Variants in KCNQ1 observed in about 807,000 individuals in gnomAD.
KCNQ1 encodes potassium voltage-gated channel subfamily KQT member 1.
In KCNQ1, 49 loss-of-function variants were observed where a neutral mutation model predicts 72.4. The ratio of observed to expected loss-of-function variants is 0.68; its 90% CI spans 0.54 to 0.86. KCNQ1 has a LOEUF of 0.86. Ranked by LOEUF, KCNQ1 falls within the 40% of genes least tolerant of loss-of-function variation. The pLI, the probability that KCNQ1 is intolerant of heterozygous loss-of-function variation, is 0.00. For synonymous variants in KCNQ1, 450 were observed against 412.6 expected, an observed-to-expected ratio of 1.09 and a Z score of -1.10; for missense variants, 790 against 945.1, an observed-to-expected ratio of 0.84 and a Z score of 2.15.
In KCNQ1 at chr11:2,715,538, T is replaced by C. The variant is rs1198806340; in HGVS notation, c.1515-53306T>C. Among the ~76,000 whole-genome samples, 2 of 151,748 alleles carry C rather than the reference T, an allele frequency of 1.3e-5. No individual in the cohort carries two copies. The highest frequency in any genetic ancestry group is 4.8e-5 in the African/African-American group (2 of 41,250). ...AGGTAGACTTCGTTTCCAGCCGGAGTGTACCTGGGGATGCCTGTGCCCAAG... is the reference window on the plus strand; with the variant it reads ...AGGTAGACTTCGTTTCCAGCCGGAGCGTACCTGGGGATGCCTGTGCCCAAG... On this transcript the variant is annotated intron_variant, in intron 11 of 15. Transcript: ENST00000155840. This position sits in a 1 kb window ranked among gnomAD's most constrained non-coding sequence, Gnocchi z 4.9.
rs1849032424 is a variant in KCNQ1, at chr11:2,614,657, T to C, written c.1393+25803T>C. ...ACTACTCTTCCCACTGAATTCTTGA[T>C]ACATTTGTTGAAAATGAATTGATCA... On this transcript the variant is annotated intron_variant, in intron 10 of 15. Coordinates refer to ENST00000155840, the MANE Select transcript of KCNQ1 (RefSeq NM_000218.3). The C allele has an allele frequency of 1.3e-5, 5 of 398,390 alleles. No individual in the cohort carries two copies. The South Asian group carries it at 3.8e-4, about 30-fold the overall frequency. The allele number at this position is 398,390 out of a possible 1,614,324, so 24.7% of individuals were successfully genotyped here. A position where few individuals can be genotyped will look rare whatever the true frequency, so the allele number is the denominator to read the frequency against.
At chr11:2,838,034 C>T (rs1590121661) in intron 15 of KCNQ1, among the ~76,000 whole-genome samples, 5 of 152,202 alleles carry the variant, frequency 3.3e-5, no homozygotes, top group East Asian at 3.9e-4. Flanking sequence ...ATGGTGGCAA[C>T]GTGGGACAGA....
chr11:2,616,963 G>GT lies in KCNQ1; in HGVS notation c.1393+28121dup, dbSNP rs35383069. 4.2e-3 allele frequency: 1,487 copies of GT among 357,358 alleles called. 2 individuals are homozygous for GT. Among genetic ancestry groups the GT allele is most frequent in the Middle Eastern group, 0.011 (14 of 1,328 alleles). 22.1% of individuals were successfully genotyped at this position (357,358 alleles called of 1,614,324 possible). ...GTCTGGCTGTACATTATCTTGTTGTGTTTTTTTTTTTTAATTTTAAAAATA... is the reference window on the plus strand; with the variant it reads ...GTCTGGCTGTACATTATCTTGTTGTGTTTTTTTTTTTTTAATTTTAAAAATA... On this transcript the variant is annotated intron_variant, in intron 10 of 15. Coordinates refer to ENST00000155840, the MANE Select transcript of KCNQ1 (RefSeq NM_000218.3).
intron 11 of KCNQ1, among the ~76,000 whole-genome samples, chr11:2,758,392 T>C (rs1332396922): frequency 2.0e-5 from 3 of 152,196 alleles, no homozygotes; most frequent in Admixed American, 2.0e-4. Flanking sequence ...AAATGAAAAG[T>C]AATGATGACA....
chr11:2,746,661 G>A lies in KCNQ1; in HGVS notation c.1515-22183G>A, dbSNP rs1489754894. ...CACAGAGGGAAATGCCCTTCTCATCGCCCTGTTCCGAGGGCCCATCCTGTC... is the reference window on the plus strand; with the variant it reads ...CACAGAGGGAAATGCCCTTCTCATCACCCTGTTCCGAGGGCCCATCCTGTC... On this transcript the variant is annotated intron_variant, in intron 11 of 15. Transcript: ENST00000155840. This position sits in a 1 kb window ranked among gnomAD's most constrained non-coding sequence, Gnocchi z 5.9. Among the ~76,000 whole-genome samples the A allele has an allele frequency of 6.6e-6, 1 of 152,212 alleles. No individual in the cohort carries two copies. Among genetic ancestry groups the A allele is most frequent in the African/African-American group, 2.4e-5 (1 of 41,450 alleles).
At chr11:2,561,051 A>G (rs7941421) in intron 2 of KCNQ1, among the ~76,000 whole-genome samples, 49,310 of 150,762 alleles carry the variant, frequency 0.33, 8,849 homozygotes, top group African/African-American at 0.47. Flanking sequence ...AAATACAAAA[A>G]ATTAGCCGGG....
chr11:2,651,775 T>G lies in KCNQ1; in HGVS notation c.1394-10186T>G. ...TGGAAATTCCTCAAGTGTTGACCAT[T>G]TTGATTCCTGGGCCCCTTAAGAGTC... On this transcript the variant is annotated intron_variant, in intron 10 of 15. Transcript: ENST00000155840. The surrounding 1 kb of genome is among the most constrained non-coding windows in gnomAD (Gnocchi z 6.1). 2.5e-6 allele frequency: 1 copy of G among 398,644 alleles called. No individual in the cohort carries two copies. Among genetic ancestry groups the G allele is most frequent in the Non-Finnish European group, 4.4e-6 (1 of 226,084 alleles). 24.7% of individuals were successfully genotyped at this position (398,644 alleles called of 1,614,324 possible). A position where few individuals can be genotyped will look rare whatever the true frequency, so the allele number is the denominator to read the frequency against.
intron 11 of KCNQ1, among the ~76,000 whole-genome samples, chr11:2,751,261 A>G (rs1391996877): frequency 6.6e-6 from 1 of 152,160 alleles, no homozygotes; most frequent in Non-Finnish European, 1.5e-5. Flanking sequence ...TAGCATGGGA[A>G]TCAGTTTAGG....
chr11:2,687,439 C>T lies in KCNQ1; in HGVS notation c.1514+25358C>T, dbSNP rs1038107893. 10 of 398,710 alleles carry T rather than the reference C, an allele frequency of 2.5e-5. No homozygotes were observed. Among genetic ancestry groups the T allele is most frequent in the African/African-American group, 2.1e-4 (10 of 48,612 alleles). The allele number at this position is 398,710 out of a possible 1,614,324, so 24.7% of individuals were successfully genotyped here. ...ACCTGTGTCCACCCAGCTGTCCATA[C>T]AGATCCCTGCCTGCACAAGAGCTGC... is the stretch of plus-strand genomic sequence containing the variant. On this transcript the variant is annotated intron_variant, in intron 11 of 15. Coordinates refer to ENST00000155840, the MANE Select transcript of KCNQ1 (RefSeq NM_000218.3). This position sits in a 1 kb window ranked among gnomAD's most constrained non-coding sequence, Gnocchi z 5.0.
intron 11 of KCNQ1, among the ~76,000 whole-genome samples, chr11:2,753,291 G>A (rs748129844): frequency 2.2e-4 from 34 of 152,190 alleles, no homozygotes; most frequent in Non-Finnish European, 5.0e-4. Context: ...TGGGTTGGAA[G>A]GGGTGAGGCT....
rs1056928833 is a variant in KCNQ1 at position 2,674,954 on chromosome 11, G to A, written c.1514+12873G>A. On this transcript the variant is annotated intron_variant, in intron 11 of 15. Coordinates refer to ENST00000155840, the MANE Select transcript of KCNQ1 (RefSeq NM_000218.3). The surrounding 1 kb of genome is among the most constrained non-coding windows in gnomAD (Gnocchi z 5.9). ...CAGGCCTCGCTTCTGGGGCTGACTGGAGCTGTTTCTCTTCGTTTCCTCTTA... is the reference window on the plus strand; with the variant it reads ...CAGGCCTCGCTTCTGGGGCTGACTGAAGCTGTTTCTCTTCGTTTCCTCTTA... The A allele has an allele frequency of 5.0e-6, 2 of 398,412 alleles. No individual in the cohort carries two copies. The highest frequency in any genetic ancestry group is 8.8e-6 in the Non-Finnish European group (2 of 226,068). The allele number at this position is 398,412 out of a possible 1,614,324, so 24.7% of individuals were successfully genotyped here.
intron 1 of KCNQ1, among the ~76,000 whole-genome samples, chr11:2,520,053 C>T (rs1209911484): frequency 6.6e-6 from 1 of 152,264 alleles, no homozygotes; most frequent in Admixed American, 6.5e-5. Context: ...GCCCCCACCC[C>T]CCAGGATGAC....
At chr11:2,540,524 C>A (rs1318225976) in intron 2 of KCNQ1, among the ~76,000 whole-genome samples, 2 of 152,218 alleles carry the variant, frequency 1.3e-5, no homozygotes, top group Non-Finnish European at 2.9e-5. Context: ...ACTGGGGTAC[C>A]TGGGGCCAGG....
chr11:2,633,636 G>A (rs1185869192), intron 10 of KCNQ1: 2 of 398,382 alleles, frequency 5.0e-6, no homozygotes, highest in Non-Finnish European at 8.8e-6. Flanking sequence ...TTTCCCCAGA[G>A]TGTGTTCTTG....
chr11:2,567,349 A>T lies in KCNQ1; in HGVS notation c.478-3279A>T, dbSNP rs1197229090. ...GGTCTGGACTGCTGGAACCAGGGGG[A>T]GGCAGGCCTGCCATTCTGTGAGCCT... On this transcript the variant is annotated intron_variant, in intron 2 of 15. Coordinates refer to ENST00000155840, the MANE Select transcript of KCNQ1 (RefSeq NM_000218.3). This position sits in a 1 kb window ranked among gnomAD's most constrained non-coding sequence, Gnocchi z 6.6. 6.6e-6 allele frequency among the ~76,000 whole-genome samples: 1 copy of T among 151,826 alleles called. No individual in the cohort carries two copies. Among genetic ancestry groups the T allele is most frequent in the Non-Finnish European group, 1.5e-5 (1 of 67,952 alleles).
chr11:2,500,611 C>T (rs1846993983), intron 1 of KCNQ1, among the ~76,000 whole-genome samples: 1 of 152,132 alleles, frequency 6.6e-6, no homozygotes, highest in African/African-American at 2.4e-5. Context: ...ATAGCAAAGA[C>T]TTGGAACCAA....
chr11:2,747,991 C>A (rs750366776), intron 11 of KCNQ1, among the ~76,000 whole-genome samples: 1 of 152,158 alleles, frequency 6.6e-6, no homozygotes, highest in African/African-American at 2.4e-5. Flanking sequence ...GCTTCCACCA[C>A]CAGCAGAATA....
At chr11:2,699,681 A>T in intron 11 of KCNQ1, 1 of 341,420 alleles carries the variant, frequency 2.9e-6, no homozygotes. Context: ...ACCGCGCCGA[A>T]AAGCCCCGGG....
In KCNQ1 at chr11:2,623,522, A is replaced by G. The variant is rs570580180; in HGVS notation, c.1393+34668A>G. 29 of 398,444 alleles carry G rather than the reference A, an allele frequency of 7.3e-5. No homozygotes were observed. The highest frequency in any genetic ancestry group is 1.2e-4 in the Non-Finnish European group (28 of 226,062). 24.7% of individuals were successfully genotyped at this position (398,444 alleles called of 1,614,324 possible). A position where few individuals can be genotyped will look rare whatever the true frequency, so the allele number is the denominator to read the frequency against. On this transcript the variant is annotated intron_variant, in intron 10 of 15. Transcript: ENST00000155840. This position sits in a 1 kb window ranked among gnomAD's most constrained non-coding sequence, Gnocchi z 5.2. ...TGCAATATGATTGGAATCATACAGT[A>G]TGTAGTTTCTTCAGATTGCCTTATT...
Sources: gnomAD v4.1 joint callset for allele counts (sites outside exome capture counted in the v4.1 genomes callset) on GRCh38, gnomAD v4.1.1 for gene constraint, Gnocchi (gnomAD v3.1) non-coding constraint, MANE v1.5 for transcripts, NCBI Gene and HGNC (gene_info 2026-07-23, HGNC 2026-07-21) for gene names.